The following MTRF1 variants were observed in gnomAD, a reference collection of about 807,000 sequenced individuals.
MTRF1 encodes mitochondrial translation release factor 1, also known as peptide chain release factor 1, mitochondrial.
In MTRF1, 51 loss-of-function variants were observed where a neutral mutation model predicts 62.9. That is an observed-to-expected ratio of 0.81 (90% CI 0.65 to 1.02). The LOEUF is 1.02. MTRF1 is among the 50% of genes least tolerant of loss of function. The pLI, the probability that MTRF1 is intolerant of heterozygous loss-of-function variation, is 0.00. For missense variants in MTRF1, 446 were observed against 530.0 expected (o/e 0.84, Z 1.56); for synonymous variants, 158 against 181.9 (o/e 0.87, Z 1.06).
chr13:41,232,332 CAA>C (rs58181950), intron 7 of MTRF1, among the ~76,000 whole-genome samples: 87,554 of 151,476 alleles, frequency 0.58, 26,354 homozygotes, highest in South Asian at 0.65. Context: ...AACTAAAAAA[CAA>C]AGTGACAGAC....
At chr13:41,273,241 G>C in the MTRF1 span, among the ~76,000 whole-genome samples, 4 of 151,990 alleles carry the variant, frequency 2.6e-5, no homozygotes, top group African/African-American at 4.8e-5. Flanking sequence ...CAGGAGAATG[G>C]CATGAACCCG....
chr13:41,283,749 C>T, the MTRF1 span, among the ~76,000 whole-genome samples: 11 of 151,406 alleles, frequency 7.3e-5, no homozygotes, highest in African/African-American at 2.7e-4. Context: ...GCCACTACGC[C>T]CGGCTAACTT....
Position 41,226,583 on chromosome 13 carries a change from G to C in MTRF1, c.989-15C>G, listed in dbSNP as rs1381257130. On this transcript the variant is annotated splice_polypyrimidine_tract_variant and intron_variant, in intron 7 of 9. Coordinates refer to ENST00000379480, the MANE Select transcript of MTRF1 (RefSeq NM_004294.4). ...TACTACTAGCCCTGAAAAATAACAG[G>C]GATCAGAAGGTAAACTGTAGCTTCC... 6.2e-7 allele frequency: 1 copy of C among 1,612,408 alleles called. No homozygotes were observed. Among genetic ancestry groups the C allele is most frequent in the South Asian group, 1.1e-5 (1 of 90,850 alleles).
At chr13:41,307,077 G>A in the MTRF1 span, among the ~76,000 whole-genome samples, 1 of 152,120 alleles carries the variant, frequency 6.6e-6, no homozygotes, top group South Asian at 2.1e-4. Flanking sequence ...TACACATAAG[G>A]TTCAGGATGA....
At chr13:41,310,657 C>T in the MTRF1 span, among the ~76,000 whole-genome samples, 3 of 152,094 alleles carry the variant, frequency 2.0e-5, no homozygotes, top group Non-Finnish European at 4.4e-5. Flanking sequence ...GCGACAAGAG[C>T]GATACTCCAT....
At chr13:41,271,324 C>G in the MTRF1 span, among the ~76,000 whole-genome samples, 2 of 152,188 alleles carry the variant, frequency 1.3e-5, no homozygotes, top group African/African-American at 2.4e-5. Flanking sequence ...CATACTACTT[C>G]CATTTTACAT....
At chr13:41,309,585 T>G in the MTRF1 span, among the ~76,000 whole-genome samples, 1 of 152,132 alleles carries the variant, frequency 6.6e-6, no homozygotes, top group Non-Finnish European at 1.5e-5. Context: ...GACAGTACTT[T>G]CCCTATTTTA....
the MTRF1 span, among the ~76,000 whole-genome samples, chr13:41,290,023 AC>A: frequency 1.8e-3 from 273 of 151,362 alleles, 3 homozygotes; most frequent in Non-Finnish European, 1.7e-3. Flanking sequence ...CGAAGCACGG[AC>A]TTTTATGCTA....
At chr13:41,303,917 TCC>T in the MTRF1 span, among the ~76,000 whole-genome samples, 1 of 152,236 alleles carries the variant, frequency 6.6e-6, no homozygotes, top group Non-Finnish European at 1.5e-5. Context: ...TTTTTTGTTA[TCC>T]TATATATAAA....
chr13:41,225,209 CAA>C (rs11461910), intron 8 of MTRF1, among the ~76,000 whole-genome samples: 13 of 116,048 alleles, frequency 1.1e-4, no homozygotes, highest in Non-Finnish European at 1.6e-4. Context: ...GAATCTGTCT[CAA>C]AAAAAAAAAA....
chr13:41,283,869 G>A, the MTRF1 span, among the ~76,000 whole-genome samples: 4 of 151,926 alleles, frequency 2.6e-5, no homozygotes, highest in Non-Finnish European at 4.4e-5. Context: ...GAGCCACCGC[G>A]CCCGGCCTCT....
At chr13:41,275,245 G>T in the MTRF1 span, among the ~76,000 whole-genome samples, 1 of 151,790 alleles carries the variant, frequency 6.6e-6, no homozygotes, top group Non-Finnish European at 1.5e-5. Context: ...CTGTTGCCCA[G>T]GCTGGAGTGC....
At chr13:41,219,660 A>G (rs2032788030) in intron 9 of MTRF1, among the ~76,000 whole-genome samples, 2 of 152,230 alleles carry the variant, frequency 1.3e-5, no homozygotes, top group East Asian at 3.8e-4. Context: ...CAAAGAGAAT[A>G]GTATTTTCCC....
chr13:41,294,110 G>GA, the MTRF1 span, among the ~76,000 whole-genome samples: 4 of 151,916 alleles, frequency 2.6e-5, no homozygotes, highest in Non-Finnish European at 5.9e-5. Flanking sequence ...ATTTTTGATA[G>GA]AAAAAAATTA....
chr13:41,258,577 A>AAAAC (rs1555267321), intron 2 of MTRF1, among the ~76,000 whole-genome samples: 2 of 40,892 alleles, frequency 4.9e-5, no homozygotes, highest in African/African-American at 1.2e-4. Flanking sequence ...AAAAAAAACA[A>AAAAC]AAAAAAAAAA....
intron 8 of MTRF1, among the ~76,000 whole-genome samples, chr13:41,224,397 A>G (rs2033977481): frequency 6.6e-6 from 1 of 152,212 alleles, no homozygotes; most frequent in East Asian, 1.9e-4. Flanking sequence ...TTTTTAAAAT[A>G]AGATATTTCT....
chr13:41,252,946 G>A lies in MTRF1; in HGVS notation c.589+3C>T. Reference sequence around the variant, plus strand: ...ATTTAAATAATAAAGTAAGTTTACTGACCTCCAGTAGTCCTTCCAGCTGTC... The same window carrying A: ...ATTTAAATAATAAAGTAAGTTTACTAACCTCCAGTAGTCCTTCCAGCTGTC... On this transcript the variant is annotated splice_donor_region_variant and intron_variant, in intron 4 of 9. Coordinates refer to ENST00000379480, the MANE Select transcript of MTRF1 (RefSeq NM_004294.4). 1 of 1,585,928 alleles carries A rather than the reference G, an allele frequency of 6.3e-7. No homozygotes were observed. The highest frequency in any genetic ancestry group is 2.2e-5 in the East Asian group (1 of 44,686).
chr13:41,253,475 C>G (rs1401913556), intron 3 of MTRF1, among the ~76,000 whole-genome samples: 2 of 152,308 alleles, frequency 1.3e-5, no homozygotes, highest in African/African-American at 4.8e-5. Flanking sequence ...GCTGTGCCTT[C>G]TCAGCAGAGA....
At chr13:41,278,248 G>A in the MTRF1 span, among the ~76,000 whole-genome samples, 2 of 152,202 alleles carry the variant, frequency 1.3e-5, no homozygotes, top group Non-Finnish European at 2.9e-5. Context: ...TAATGGTGGA[G>A]GGTGTCCAGG....
Sources: gnomAD v4.1 joint callset for allele counts (sites outside exome capture counted in the v4.1 genomes callset) on GRCh38, gnomAD v4.1.1 for gene constraint, MANE v1.5 for transcripts, NCBI Gene and HGNC (gene_info 2026-07-23, HGNC 2026-07-21) for gene names.